Variants in PRPF18 observed in about 807,000 individuals in gnomAD.
PRPF18 encodes the protein pre-mRNA processing factor 18, also known as pre-mRNA-splicing factor 18.
Under a neutral mutation model 46.5 loss-of-function variants are expected in PRPF18, and 38 were observed. The observed-to-expected ratio is 0.82, with a 90% CI of 0.63 to 1.07. PRPF18 has a LOEUF of 1.07. Among genes scored for constraint, PRPF18 ranks in the 50% least tolerant of loss-of-function variants. The pLI, the probability that PRPF18 is intolerant of heterozygous loss-of-function variation, is 0.00. For missense variants in PRPF18, 263 were observed against 410.0 expected (o/e 0.64, Z 3.10); for synonymous variants, 152 against 146.7 (o/e 1.04, Z -0.26).
rs1236987338 is a variant in PRPF18 at position 13,587,025 on chromosome 10, C to T, written c.-62C>T. 3.2e-6 allele frequency: 5 copies of T among 1,559,270 alleles called. No homozygotes were observed. Among genetic ancestry groups the T allele is most frequent in the Admixed American group, 1.7e-5 (1 of 59,912 alleles). On this transcript the variant is annotated 5_prime_UTR_variant, in exon 1 of 10. Coordinates refer to ENST00000378572, the MANE Select transcript of PRPF18 (RefSeq NM_003675.4). ...TACTCAGTGGGTTCGCGGCCGCCGGCCCAGTGAGGCTGGGTTCGAGGAGCT... is the reference window on the plus strand; with the variant it reads ...TACTCAGTGGGTTCGCGGCCGCCGGTCCAGTGAGGCTGGGTTCGAGGAGCT...
intron 1 of PRPF18, among the ~76,000 whole-genome samples, chr10:13,596,036 G>C (rs117884960): frequency 6.6e-6 from 1 of 152,110 alleles, no homozygotes; most frequent in East Asian, 1.9e-4. Context: ...ATTAAAATAT[G>C]TACATACATT....
At chr10:13,603,865 A>G (rs546024458) in intron 3 of PRPF18, among the ~76,000 whole-genome samples, 11 of 152,338 alleles carry the variant, frequency 7.2e-5, no homozygotes, top group Non-Finnish European at 8.8e-5. Flanking sequence ...TATGAAGATG[A>G]GGTGAAGGAA....
In PRPF18 at chr10:13,613,880, G is replaced by C. The variant is rs769730622; in HGVS notation, c.719G>C (p.Arg240Thr). 1.3e-6 allele frequency: 2 copies of C among 1,599,016 alleles called. No homozygotes were observed. Among genetic ancestry groups the C allele is most frequent in the Admixed American group, 3.6e-5 (2 of 55,318 alleles). The change falls in exon 7 of 10, where the codon AGG becomes ACG. Residue 240 changes from arginine (R) to threonine (T), a missense_variant and splice_region_variant. By Grantham distance (71) the Arg-to-Thr change is moderately conservative. This residue lies in a region of PRPF18 where 155 missense variants were observed against 245.1 expected (regional missense o/e 0.63). Transcript: ENST00000378572. ...CCACTTTTTAGAAAGCTACGGAAAA[G>C]GGTGAGGTTTCTTGGAAAATACTTT... The part of the protein sequence containing the change: ...LRPLFRKLRK[R>T]NLPADIKESI...
At position 13,586,974 on chromosome 10, in the gene PRPF18, C is replaced by T; in HGVS notation, c.-113C>T. Reference sequence around the variant, plus strand: ...GGAAGCGGCTCCTGTCAGTTGTTCTCAGGTGTTTGGGCTTGTTGTTCCGTA... The same window carrying T: ...GGAAGCGGCTCCTGTCAGTTGTTCTTAGGTGTTTGGGCTTGTTGTTCCGTA... On this transcript the variant is annotated 5_prime_UTR_variant, in exon 1 of 10. Transcript: ENST00000378572. The T allele has an allele frequency of 9.1e-7, 1 of 1,097,218 alleles. No homozygotes were observed. 68.0% of individuals were successfully genotyped at this position (1,097,218 alleles called of 1,614,324 possible). A position where few individuals can be genotyped will look rare whatever the true frequency, so the allele number is the denominator to read the frequency against.
intron 5 of PRPF18, among the ~76,000 whole-genome samples, chr10:13,610,893 C>A (rs1285640306): frequency 6.6e-6 from 1 of 152,192 alleles, no homozygotes; most frequent in Non-Finnish European, 1.5e-5. Flanking sequence ...ATCTTGCTGT[C>A]TGATTTTTGC....
At chr10:13,654,266 C>T in the PRPF18 span, 1 of 666,318 alleles carries the variant, frequency 1.5e-6, no homozygotes, top group Non-Finnish European at 2.7e-6. Flanking sequence ...GAGGTGACAG[C>T]AGATCATGGG....
intron 8 of PRPF18, among the ~76,000 whole-genome samples, chr10:13,614,893 C>A (rs974658496): frequency 1.3e-5 from 2 of 152,142 alleles, no homozygotes; most frequent in Non-Finnish European, 2.9e-5. Flanking sequence ...GTGCAGCAAC[C>A]CCAGTGCCAG....
chr10:13,621,927 A>T (rs541250785), intron 9 of PRPF18, among the ~76,000 whole-genome samples: 1 of 152,202 alleles, frequency 6.6e-6, no homozygotes, highest in African/African-American at 2.4e-5. Flanking sequence ...GCATTTGCCA[A>T]ATTTATCTGT....
At chr10:13,636,540 T>C in the PRPF18 span, among the ~76,000 whole-genome samples, 1 of 152,218 alleles carries the variant, frequency 6.6e-6, no homozygotes, top group South Asian at 2.1e-4. Context: ...TTGAAAATTA[T>C]TTCCTAAGAC....
chr10:13,609,785 G>A (rs1344580918), intron 4 of PRPF18, among the ~76,000 whole-genome samples: 1 of 152,170 alleles, frequency 6.6e-6, no homozygotes, highest in Admixed American at 6.5e-5. Flanking sequence ...TCACTCACGT[G>A]TATTTTATTT....
At position 13,600,231 on chromosome 10, in the gene PRPF18, G is replaced by A. The variant is rs781332333; in HGVS notation, c.145-13G>A. The A allele has an allele frequency of 6.4e-7, 1 of 1,554,852 alleles. No individual in the cohort carries two copies. Among genetic ancestry groups the A allele is most frequent in the Non-Finnish European group, 8.7e-7 (1 of 1,143,098 alleles). On this transcript the variant is annotated splice_polypyrimidine_tract_variant and intron_variant, in intron 2 of 9. Transcript: ENST00000378572. The stretch of plus-strand genomic sequence containing the variant: ...TTAAAGCTGAATTTCATTTCTTTTG[G>A]CTATTAATATAGATACAGCCAAAAG...
intron 9 of PRPF18, among the ~76,000 whole-genome samples, chr10:13,617,376 G>A (rs1210391086): frequency 3.9e-5 from 6 of 151,962 alleles, no homozygotes; most frequent in South Asian, 2.1e-4. Context: ...ATGTTAATTC[G>A]TGTCATGCTT....
the PRPF18 span, chr10:13,651,039 C>CAGTT: frequency 6.6e-6 from 1 of 152,220 alleles, no homozygotes; most frequent in Non-Finnish European, 1.5e-5. Flanking sequence ...CCTTGTGTCC[C>CAGTT]AGTTAGACTG....
At chr10:13,632,330 G>A (rs1271628457), downstream of PRPF18, among the ~76,000 whole-genome samples, 1 of 152,044 alleles carries the variant, frequency 6.6e-6, no homozygotes, top group Non-Finnish European at 1.5e-5. Flanking sequence ...AACAGAGTGA[G>A]ACTCTGTCCC....
At chr10:13,620,455 T>C (rs962790411) in intron 9 of PRPF18, among the ~76,000 whole-genome samples, 1 of 152,242 alleles carries the variant, frequency 6.6e-6, no homozygotes, top group African/African-American at 2.4e-5. Context: ...AACATTGTAG[T>C]GCTTGAAGTC....
At chr10:13,604,230 A>G (rs2080153822) in intron 3 of PRPF18, among the ~76,000 whole-genome samples, 2 of 152,266 alleles carry the variant, frequency 1.3e-5, no homozygotes, top group East Asian at 1.9e-4. Flanking sequence ...AGCCCTCTCA[A>G]TGGATTTTAG....
At chr10:13,635,398 T>G (rs2080628209), downstream of PRPF18, among the ~76,000 whole-genome samples, 1 of 152,214 alleles carries the variant, frequency 6.6e-6, no homozygotes, top group South Asian at 2.1e-4. Flanking sequence ...TATATTCCTT[T>G]GGTTATATAC....
At chr10:13,606,459 G>A (rs1377325230) in intron 4 of PRPF18, among the ~76,000 whole-genome samples, 9 of 152,210 alleles carry the variant, frequency 5.9e-5, no homozygotes, top group Admixed American at 5.9e-4. Context: ...ACTGCTGGCT[G>A]GGCGTGGTGG....
At chr10:13,590,443 A>C in intron 1 of PRPF18, among the ~76,000 whole-genome samples, 1 of 133,292 alleles carries the variant, frequency 7.5e-6, no homozygotes, top group Non-Finnish European at 1.6e-5. Context: ...TGAAAATACA[A>C]AAAAAAAAAA....
Sources: allele counts gnomAD v4.1 joint callset (sites outside exome capture counted in the v4.1 genomes callset), GRCh38; gene constraint gnomAD v4.1.1; regional missense constraint gnomAD v4.1.1; transcripts MANE v1.5; gene names NCBI Gene and HGNC (gene_info 2026-07-23, HGNC 2026-07-21).